Variants in DNM1 observed in about 807,000 individuals in gnomAD.
The protein encoded by DNM1 is dynamin 1.
In DNM1, 29 loss-of-function variants were observed where a neutral mutation model predicts 104.6. That is an observed-to-expected ratio of 0.28 (90% CI 0.21 to 0.38). DNM1 has a LOEUF of 0.38. Ranked by LOEUF, DNM1 falls within the 10% of genes least tolerant of loss-of-function variation. DNM1 has a pLI of 1.00. For synonymous variants in DNM1, 445 were observed against 475.8 expected, an observed-to-expected ratio of 0.94 and a Z score of 0.84; for missense variants, 640 against 1,189.4, an observed-to-expected ratio of 0.54 and a Z score of 6.79.
Position 128,222,846 on chromosome 9 carries a change from T to C in DNM1, c.1182T>C (p.Asn394=), listed in dbSNP as rs1171703565. 1.2e-6 allele frequency: 2 copies of C among 1,614,096 alleles called. No individual in the cohort carries two copies. Among genetic ancestry groups the C allele is most frequent in the Admixed American group, 3.3e-5 (2 of 60,020 alleles). The stretch of plus-strand genomic sequence containing the variant: ...GGGAGATCAGCTATGCTATCAAGAA[T>C]ATCCATGGCATTAGGCACGTATTGG... ...LRREISYAIK[N]IHGIRTGLFT... The change falls in exon 9 of 22, where the codon AAT becomes AAC. Residue 394 remains asparagine, a synonymous_variant. Transcript: ENST00000372923. The surrounding 1 kb of genome is among the most constrained non-coding windows in gnomAD (Gnocchi z 7.8).
Position 128,243,333 on chromosome 9 carries a change from G to A in DNM1, c.1671+988G>A, listed in dbSNP as rs961552304. On this transcript the variant is annotated intron_variant, in intron 15 of 21. Coordinates refer to ENST00000372923, the MANE Select transcript of DNM1 (RefSeq NM_004408.4). This position sits in a 1 kb window ranked among gnomAD's most constrained non-coding sequence, Gnocchi z 4.0. ...AATGAACTCCAGCTGGCCAAGGAGT[G>A]GGGGAAGGGACCCTCTTCTTCCTGA... 7.9e-5 allele frequency among the ~76,000 whole-genome samples: 12 copies of A among 152,182 alleles called. No homozygotes were observed. Among genetic ancestry groups the A allele is most frequent in the African/African-American group, 1.9e-4 (8 of 41,444 alleles).
chr9:128,226,287 G>C, intron 10 of DNM1: 1 of 1,467,662 alleles, frequency 6.8e-7, no homozygotes, highest in Non-Finnish European at 9.1e-7. Context: ...CAGGGACCCA[G>C]CCCTAGTGTT....
chr9:128,225,752 G>A (rs768986158), intron 10 of DNM1, among the ~76,000 whole-genome samples: 1 of 152,096 alleles, frequency 6.6e-6, no homozygotes, highest in Non-Finnish European at 1.5e-5. Flanking sequence ...GTACGGAGCA[G>A]GGGCTTGGTC....
rs1406332201 is a variant in DNM1, at chr9:128,245,251, G to A, written c.1672-1143G>A. ...TAAAGAGGGCTTTATGTGGCTGCAT[G>A]GGCCAGGGGGGCGTTGGGGGCAGAG... is the stretch of plus-strand genomic sequence containing the variant. On this transcript the variant is annotated intron_variant, in intron 15 of 21. Transcript: ENST00000372923. The surrounding 1 kb of genome is among the most constrained non-coding windows in gnomAD (Gnocchi z 5.2). Among the ~76,000 whole-genome samples the A allele has an allele frequency of 6.6e-6, 1 of 152,054 alleles. No individual in the cohort carries two copies. The highest frequency in any genetic ancestry group is 2.4e-5 in the African/African-American group (1 of 41,404).
intron 10 of DNM1, chr9:128,226,155 C>T: frequency 1.9e-6 from 3 of 1,612,888 alleles, no homozygotes; most frequent in Non-Finnish European, 2.5e-6. Context: ...CAGCCACCAT[C>T]AGAAAGTGTA....
At position 128,222,562 on chromosome 9, in the gene DNM1, T is replaced by C. The variant is rs1435931343; in HGVS notation, c.1094T>C (p.Ile365Thr). The C allele has an allele frequency of 6.2e-7, 1 of 1,614,140 alleles. No individual in the cohort carries two copies. Among genetic ancestry groups the C allele is most frequent in the Admixed American group, 1.7e-5 (1 of 60,014 alleles). ...ELSGGARINR[I>T]FHERFPFELV... ...TCAGGGGGAGCCCGCATTAACCGAA[T>C]CTTCCACGAGCGCTTCCCTTTCGAG... The change falls in exon 8 of 22, where the codon ATC (isoleucine) becomes ACC (threonine). Residue 365 changes from isoleucine (I) to threonine (T), a missense_variant. By Grantham distance (89) the Ile-to-Thr change is moderately conservative. This residue lies in a region of DNM1 where 38 missense variants were observed against 113.5 expected (regional missense o/e 0.33). Coordinates refer to ENST00000372923, the MANE Select transcript of DNM1 (RefSeq NM_004408.4). The surrounding 1 kb of genome is among the most constrained non-coding windows in gnomAD (Gnocchi z 7.8).
At position 128,253,055 on chromosome 9, in the gene DNM1, C is replaced by A; in HGVS notation, c.2535-1599C>A. On this transcript the variant is annotated intron_variant, in intron 21 of 21. Transcript: ENST00000372923. This position sits in a 1 kb window ranked among gnomAD's most constrained non-coding sequence, Gnocchi z 5.9. ...GTGTCCCCCACCCCCAGGCCGGCCC[C>A]ACCCGTGCGTGTGAACTGCCATGTT... 1 of 1,608,538 alleles carries A rather than the reference C, an allele frequency of 6.2e-7. No individual in the cohort carries two copies. The highest frequency in any genetic ancestry group is 8.5e-7 in the Non-Finnish European group (1 of 1,177,604).
chr9:128,253,802 A>C lies in DNM1; in HGVS notation c.2535-852A>C. The C allele has an allele frequency of 3.5e-6, 2 of 572,872 alleles. No individual in the cohort carries two copies. Among genetic ancestry groups the C allele is most frequent in the Non-Finnish European group, 5.1e-6 (2 of 389,988 alleles). 35.5% of individuals were successfully genotyped at this position (572,872 alleles called of 1,614,324 possible). A position where few individuals can be genotyped will look rare whatever the true frequency, so the allele number is the denominator to read the frequency against. On this transcript the variant is annotated intron_variant, in intron 21 of 21. Coordinates refer to ENST00000372923, the MANE Select transcript of DNM1 (RefSeq NM_004408.4). This position sits in a 1 kb window ranked among gnomAD's most constrained non-coding sequence, Gnocchi z 5.9. ...CCTCCCAGGTACCGTCATAGCTGCT[A>C]GTGTGACTGAAGGCAGTGTCCCTGG...
intron 14 of DNM1, 147 bp from the exon 15 acceptor site, chr9:128,242,085 G>A (rs898220146): frequency 1.0e-4 from 69 of 657,388 alleles, no homozygotes; most frequent in Middle Eastern, 3.9e-4. Flanking sequence ...TTCAAACCAA[G>A]GCAGGTCTGG....
rs1478700420 is a variant in DNM1 at position 128,243,044 on chromosome 9, C to T, written c.1671+699C>T. Among the ~76,000 whole-genome samples the T allele has an allele frequency of 6.6e-6, 1 of 152,170 alleles. No homozygotes were observed. The highest frequency in any genetic ancestry group is 2.4e-5 in the African/African-American group (1 of 41,442). On this transcript the variant is annotated intron_variant, in intron 15 of 21. Transcript: ENST00000372923. The surrounding 1 kb of genome is among the most constrained non-coding windows in gnomAD (Gnocchi z 4.0). ...CACACAAGTCTAGCTGCCAGACACC[C>T]GGTTAACCCCTGCACCCCAGTCCCC...
At chr9:128,223,905 C>T (rs62587113) in intron 9 of DNM1, 2,510 of 167,144 alleles carry the variant, frequency 0.015, 32 homozygotes, top group Non-Finnish European at 0.023. Flanking sequence ...AAAAATTAGC[C>T]GGGCGTGGTG....
rs182338998 is a variant in DNM1 at position 128,253,290 on chromosome 9, G to A, written c.2535-1364G>A. On this transcript the variant is annotated intron_variant, in intron 21 of 21. Transcript: ENST00000372923. The surrounding 1 kb of genome is among the most constrained non-coding windows in gnomAD (Gnocchi z 5.9). ...TGCTCTTTCCTCTTTCTGTCCTTGTGCCGCTGGCTCTCTCACCTCCCTTCC... is the reference window on the plus strand; with the variant it reads ...TGCTCTTTCCTCTTTCTGTCCTTGTACCGCTGGCTCTCTCACCTCCCTTCC... 217 of 712,544 alleles carry A rather than the reference G, an allele frequency of 3.0e-4. 2 individuals carry two copies. The East Asian group carries it at 4.4e-3, about 14-fold the overall frequency. 44.1% of individuals were successfully genotyped at this position (712,544 alleles called of 1,614,324 possible).
At position 128,248,427 on chromosome 9, in the gene DNM1, A is replaced by G. The variant is rs114207651; in HGVS notation, c.1906-156A>G. 2,137 of 764,792 alleles carry G rather than the reference A, an allele frequency of 2.8e-3. 31 individuals carry two copies. In the African/African-American group the frequency reaches 0.033, roughly 12 times the overall value. 47.4% of individuals were successfully genotyped at this position (764,792 alleles called of 1,614,324 possible). A position where few individuals can be genotyped will look rare whatever the true frequency, so the allele number is the denominator to read the frequency against. On this transcript the variant is annotated intron_variant, in intron 18 of 21. Coordinates refer to ENST00000372923, the MANE Select transcript of DNM1 (RefSeq NM_004408.4). This position sits in a 1 kb window ranked among gnomAD's most constrained non-coding sequence, Gnocchi z 5.6. ...AATCAGGGGAGTCTAGGGTCCTGAG[A>G]GGCACAGGGATGCGGAGCCAGGTAT...
At chr9:128,235,762 A>C (rs955723505) in intron 11 of DNM1, among the ~76,000 whole-genome samples, 1 of 152,228 alleles carries the variant, frequency 6.6e-6, no homozygotes, top group African/African-American at 2.4e-5. Context: ...CCTGCTAGGC[A>C]GGAGTGCAGT....
chr9:128,227,366 G>T (rs1835409128), intron 10 of DNM1, among the ~76,000 whole-genome samples: 2 of 137,632 alleles, frequency 1.5e-5, no homozygotes, highest in Non-Finnish European at 3.1e-5. Flanking sequence ...ATAAAGATTG[G>T]TCTCATGCCT....
rs28494699 is a variant in DNM1, at chr9:128,242,586, C to T, written c.1671+241C>T. ...ACCAGCCCGGCCAAAATGGTGAAAC[C>T]CCATCTCTACTAAAAATACAAAAAT... is the stretch of plus-strand genomic sequence containing the variant. On this transcript the variant is annotated intron_variant, in intron 15 of 21. Coordinates refer to ENST00000372923, the MANE Select transcript of DNM1 (RefSeq NM_004408.4). Among the ~76,000 whole-genome samples the T allele has an allele frequency of 0.097, 14,813 of 152,004 alleles. 2,185 individuals carry two copies. The highest frequency in any genetic ancestry group is 0.32 in the African/African-American group (13,383 of 41,330).
intron 14 of DNM1, 151 bp from the exon 15 acceptor site, chr9:128,242,081 C>G: frequency 1.5e-6 from 1 of 651,974 alleles, no homozygotes; most frequent in South Asian, 1.6e-5. Context: ...GTGGTTCAAA[C>G]CAAGGCAGGT....
At chr9:128,249,322 C>A (rs1829365388) in intron 19 of DNM1, among the ~76,000 whole-genome samples, 1 of 152,024 alleles carries the variant, frequency 6.6e-6, no homozygotes, top group Non-Finnish European at 1.5e-5. Flanking sequence ...CCAGCTTGGG[C>A]AACACAGTGA....
In DNM1 at chr9:128,234,081, G is replaced by A. The variant is rs1564341767; in HGVS notation, c.1396G>A (p.Glu466Lys). 1.3e-6 allele frequency: 2 copies of A among 1,572,784 alleles called. No homozygotes were observed. The highest frequency in any genetic ancestry group is 1.2e-5 in the South Asian group (1 of 85,324). The change falls in exon 11 of 22, where the codon GAG (glutamate) becomes AAG (lysine). Residue 466 changes from glutamate to lysine, a missense_variant. By Grantham distance (56) the Glu-to-Lys change is moderately conservative. Transcript: ENST00000372923. Reference sequence around the variant, plus strand: ...GCGCATCGTGACCACCCACATCCGGGAGCGCGAGGGCCGCACTAAGGAGCA... The same window carrying A: ...GCGCATCGTGACCACCCACATCCGGAAGCGCGAGGGCCGCACTAAGGAGCA... ...MERIVTTHIR[E>K]REGRTKEQVM...
Sources: allele counts gnomAD v4.1 joint callset (sites outside exome capture counted in the v4.1 genomes callset), GRCh38; gene constraint gnomAD v4.1.1; regional missense constraint gnomAD v4.1.1; non-coding constraint Gnocchi (gnomAD v3.1); transcripts MANE v1.5; gene names NCBI Gene and HGNC (gene_info 2026-07-23, HGNC 2026-07-21).